RORA: variants seen among roughly 807,000 people sequenced by gnomAD.
The protein encoded by RORA is RAR related orphan receptor A.
A neutral mutation model predicts 69.5 loss-of-function variants in RORA; 7 were observed. The ratio of observed to expected loss-of-function variants is 0.10; its 90% CI spans 0.06 to 0.19. The LOEUF is 0.19. RORA is among the 10% of genes least tolerant of loss of function. The pLI is 1.00. For synonymous variants in RORA, 261 were observed against 240.8 expected, an observed-to-expected ratio of 1.08 and a Z score of -0.78; for missense variants, 457 against 663.0, an observed-to-expected ratio of 0.69 and a Z score of 3.41.
At chr15:61,094,748 A>G (rs1342516589) in intron 1 of RORA, among the ~76,000 whole-genome samples, 2 of 152,206 alleles carry the variant, frequency 1.3e-5, no homozygotes, top group East Asian at 3.9e-4. Context: ...TACAATCACA[A>G]AGAAGACCCA....
intron 1 of RORA, among the ~76,000 whole-genome samples, chr15:60,701,295 A>T (rs886605251): frequency 1.3e-5 from 2 of 152,202 alleles, no homozygotes; most frequent in African/African-American, 4.8e-5. Context: ...TGCCTTCAGG[A>T]AAGGTACAGC....
At chr15:60,983,042 G>C (rs188892474) in intron 1 of RORA, among the ~76,000 whole-genome samples, 115 of 152,154 alleles carry the variant, frequency 7.6e-4, no homozygotes, top group African/African-American at 2.5e-3. Context: ...GGGGTTTCTA[G>C]GTATAAACCA....
chr15:60,893,348 G>A (rs140621402), intron 1 of RORA, among the ~76,000 whole-genome samples: 1 of 152,346 alleles, frequency 6.6e-6, no homozygotes, highest in Non-Finnish European at 1.5e-5. Context: ...AAGAGGGAAT[G>A]GGATTAGGCT....
intron 1 of RORA, among the ~76,000 whole-genome samples, chr15:60,746,406 C>T (rs940506606): frequency 5.3e-5 from 8 of 151,998 alleles, no homozygotes; most frequent in Admixed American, 3.9e-4. Context: ...GTATAGTCAC[C>T]GCTTACAACT....
At chr15:60,652,701 A>T (rs1431338422) in intron 2 of RORA, among the ~76,000 whole-genome samples, 1 of 152,062 alleles carries the variant, frequency 6.6e-6, no homozygotes, top group Non-Finnish European at 1.5e-5. Context: ...CCTTCCCTCA[A>T]TTAGTTGGTA....
At chr15:61,100,509 G>A in intron 1 of RORA, among the ~76,000 whole-genome samples, 1 of 152,222 alleles carries the variant, frequency 6.6e-6, no homozygotes, top group East Asian at 1.9e-4. Context: ...AAGCAGAACA[G>A]TGTGCCCTTC....
At chr15:60,916,276 C>G (rs16943311) in intron 1 of RORA, among the ~76,000 whole-genome samples, 45,695 of 152,198 alleles carry the variant, frequency 0.3, 7,119 homozygotes, top group Middle Eastern at 0.37. Context: ...TGTAAAGGAA[C>G]AGATCTGATT....
intron 1 of RORA, among the ~76,000 whole-genome samples, chr15:60,716,198 T>C (rs770921932): frequency 6.6e-6 from 1 of 152,196 alleles, no homozygotes; most frequent in Non-Finnish European, 1.5e-5. Flanking sequence ...AGCAAGATTC[T>C]AGACCAAGCC....
intron 1 of RORA, among the ~76,000 whole-genome samples, chr15:60,831,422 A>T (rs1033714868): frequency 6.6e-6 from 1 of 152,038 alleles, no homozygotes; most frequent in African/African-American, 2.4e-5. Flanking sequence ...TCCTAATAGC[A>T]AAGGACACAC....
rs2065061580 is a variant in RORA at position 60,492,555 on chromosome 15, C to G, written c.*4900G>C. 1 of 152,120 alleles carries G rather than the reference C, an allele frequency of 6.6e-6. No homozygotes were observed. Among genetic ancestry groups the G allele is most frequent in the African/African-American group, 2.4e-5 (1 of 41,422 alleles). 9.4% of individuals were successfully genotyped at this position (152,120 alleles called of 1,614,324 possible). A position where few individuals can be genotyped will look rare whatever the true frequency, so the allele number is the denominator to read the frequency against. ...TTACCTATATCACTGTACTGATAGG[C>G]AGGTCTCTCCTCTTATTACTGGATT... is the stretch of plus-strand genomic sequence containing the variant. On this transcript the variant is annotated 3_prime_UTR_variant, in exon 11 of 11. Transcript: ENST00000335670.
intron 2 of RORA, chr15:60,650,480 T>C (rs1567141567): frequency 6.6e-6 from 1 of 152,160 alleles, no homozygotes; most frequent in Non-Finnish European, 1.5e-5. Context: ...ATGGTTCACA[T>C]TGGTTTCCAA....
At position 61,061,672 on chromosome 15, in the gene RORA, A is replaced by G. The variant is rs541777185; in HGVS notation, c.166+167381T>C. On this transcript the variant is annotated intron_variant, in intron 1 of 10. Transcript: ENST00000335670. This position sits in a 1 kb window ranked among gnomAD's most constrained non-coding sequence, Gnocchi z 4.4. Reference sequence around the variant, plus strand: ...CTCTAATTGCAAGAGTTAAGAGGAAATTTAAACTACTGCTTTAGTTGTTGG... The same window carrying G: ...CTCTAATTGCAAGAGTTAAGAGGAAGTTTAAACTACTGCTTTAGTTGTTGG... Among the ~76,000 whole-genome samples, 6 of 152,318 alleles carry G rather than the reference A, an allele frequency of 3.9e-5. No homozygotes were observed. Among genetic ancestry groups the G allele is most frequent in the African/African-American group, 1.4e-4 (6 of 41,572 alleles).
intron 1 of RORA, among the ~76,000 whole-genome samples, chr15:60,961,165 C>T: frequency 6.6e-6 from 1 of 152,220 alleles, no homozygotes; most frequent in East Asian, 1.9e-4. Flanking sequence ...CACTTCCCCA[C>T]ATAACATTTC....
chr15:61,179,915 T>C (rs368114809), intron 1 of RORA, among the ~76,000 whole-genome samples: 31 of 151,288 alleles, frequency 2.0e-4, no homozygotes, highest in African/African-American at 7.3e-4. Context: ...GGTGGGCAGA[T>C]CACCTGAGGT....
At chr15:60,891,051 CAG>C (rs1491532909) in intron 1 of RORA, among the ~76,000 whole-genome samples, 8 of 152,186 alleles carry the variant, frequency 5.3e-5, no homozygotes, top group Admixed American at 1.3e-4. Flanking sequence ...ATGTTCAAAA[CAG>C]GGGGGAGATG....
chr15:60,914,039 T>G (rs1891802879), intron 1 of RORA, among the ~76,000 whole-genome samples: 1 of 152,180 alleles, frequency 6.6e-6, no homozygotes, highest in Admixed American at 6.5e-5. Context: ...AACTCTAGTG[T>G]ATACCATGGT....
At chr15:61,000,889 T>A (rs1361624489) in intron 1 of RORA, among the ~76,000 whole-genome samples, 1 of 152,168 alleles carries the variant, frequency 6.6e-6, no homozygotes, top group Non-Finnish European at 1.5e-5. Flanking sequence ...ATAAGCATCT[T>A]ACCCTCTTGG....
intron 1 of RORA, among the ~76,000 whole-genome samples, chr15:61,223,775 G>C (rs1273087991): frequency 2.0e-5 from 3 of 152,062 alleles, no homozygotes; most frequent in African/African-American, 7.2e-5. Context: ...AAATACTTTG[G>C]GTTAATCTAC....
chr15:60,858,712 C>CACACACACACAG (rs1216023831), intron 1 of RORA, among the ~76,000 whole-genome samples: 1 of 151,972 alleles, frequency 6.6e-6, no homozygotes, highest in South Asian at 2.1e-4. Context: ...CACACACACA[C>CACACACACACAG]ACACACACAC....
Sources: gnomAD v4.1 joint callset for allele counts (sites outside exome capture counted in the v4.1 genomes callset) on GRCh38, gnomAD v4.1.1 for gene constraint, Gnocchi (gnomAD v3.1) non-coding constraint, MANE v1.5 for transcripts, NCBI Gene and HGNC (gene_info 2026-07-23, HGNC 2026-07-21) for gene names.